OR8K3: variants seen among roughly 807,000 people sequenced by gnomAD.
The protein encoded by OR8K3 is olfactory receptor 8K3.
For missense variants in OR8K3, 448 were observed against 367.4 expected (o/e 1.22, Z -1.79); for synonymous variants, 167 against 138.8 (o/e 1.20, Z -1.43).
At chr11:56,318,126 T>G (rs1048020261) in intron 2 of OR8K3, among the ~76,000 whole-genome samples, 158 bp from the exon 3 acceptor site, 16 of 152,188 alleles carry the variant, frequency 1.1e-4, no homozygotes, top group African/African-American at 3.9e-4. Context: ...CCTTATCTCT[T>G]TCTTAAATTA....
rs1277282412 is a variant in OR8K3 at position 56,319,197 on chromosome 11, A to G, written c.891A>G (p.Lys297=). The change falls in exon 3 of 3, where the codon AAA becomes AAG. Residue 297 remains lysine, a synonymous_variant. Coordinates refer to ENST00000641662, the MANE Select transcript of OR8K3 (RefSeq NM_001005202.2). The part of the protein sequence containing the change: ...LIYSLRNKDV[K]YALRRTWNNL... ...ATAGTTTACGAAACAAAGATGTAAA[A>G]TATGCCCTACGAAGGACATGGAATA... The G allele has an allele frequency of 6.2e-7, 1 of 1,612,248 alleles. No individual in the cohort carries two copies. Among genetic ancestry groups the G allele is most frequent in the Admixed American group, 1.7e-5 (1 of 60,000 alleles).
chr11:56,317,401 A>C (rs190665423), intron 2 of OR8K3, among the ~76,000 whole-genome samples: 32 of 152,248 alleles, frequency 2.1e-4, no homozygotes, highest in Middle Eastern at 3.4e-3. Flanking sequence ...CAAATATGAC[A>C]TAAATTAAGA....
In OR8K3 at chr11:56,316,023, C is replaced by A. The variant is rs1048017911; in HGVS notation, c.-58C>A. ...AGAACTCCAAAGATGGTGAAAGGAA[C>A]CTCATTTATATTTCCTTACCTAACA... On this transcript the variant is annotated 5_prime_UTR_variant, in exon 2 of 3. Transcript: ENST00000641662. The A allele has an allele frequency of 6.6e-6, 1 of 151,894 alleles. No homozygotes were observed. The highest frequency in any genetic ancestry group is 1.5e-5 in the Non-Finnish European group (1 of 67,890). 9.4% of individuals were successfully genotyped at this position (151,894 alleles called of 1,614,324 possible).
rs753951709 is a variant in OR8K3 at position 56,319,212 on chromosome 11, G to A, written c.906G>A (p.Arg302=). 2.1e-5 allele frequency: 33 copies of A among 1,607,722 alleles called. No homozygotes were observed. The highest frequency in any genetic ancestry group is 1.7e-4 in the Middle Eastern group (1 of 6,052). ...RNKDVKYALR[R]TWNNLCNIFV is the part of the protein sequence containing the mutation. Reference sequence around the variant, plus strand: ...AAGATGTAAAATATGCCCTACGAAGGACATGGAATAACTTATGTAATATTT... The same window carrying A: ...AAGATGTAAAATATGCCCTACGAAGAACATGGAATAACTTATGTAATATTT... Residue 302 remains arginine, a synonymous_variant, in exon 3 of 3, where the codon AGG becomes AGA. Coordinates refer to ENST00000641662, the MANE Select transcript of OR8K3 (RefSeq NM_001005202.2).
chr11:56,319,750 T>TA lies in OR8K3; in HGVS notation c.*506dup, dbSNP rs1292902631. 1 of 154,396 alleles carries TA rather than the reference T, an allele frequency of 6.5e-6. No homozygotes were observed. Among genetic ancestry groups the TA allele is most frequent in the Non-Finnish European group, 1.4e-5 (1 of 69,442 alleles). 9.6% of individuals were successfully genotyped at this position (154,396 alleles called of 1,614,324 possible). ...CATTTAATACTGGTTGTTTAGATGA[T>TA]ATGTGATGATTTTAAGTCTTACAGA... On this transcript the variant is annotated 3_prime_UTR_variant, in exon 3 of 3. Transcript: ENST00000641662.
chr11:56,318,070 GT>G (rs1207596220), intron 2 of OR8K3, among the ~76,000 whole-genome samples: 3 of 152,240 alleles, frequency 2.0e-5, no homozygotes, highest in African/African-American at 7.2e-5. Context: ...ATTAGAAAAT[GT>G]TTTTGGGTGA....
intron 2 of OR8K3, among the ~76,000 whole-genome samples, chr11:56,317,374 T>G (rs908497526): frequency 3.3e-5 from 5 of 152,150 alleles, no homozygotes; most frequent in Non-Finnish European, 7.4e-5. Flanking sequence ...TTACACTATT[T>G]GCCTAAAATA....
At position 56,318,800 on chromosome 11, in the gene OR8K3, C is replaced by G. The variant is rs376043254; in HGVS notation, c.494C>G (p.Thr165Ser). 69 of 1,613,908 alleles carry G rather than the reference C, an allele frequency of 4.3e-5. No homozygotes were observed. The highest frequency in any genetic ancestry group is 5.6e-5 in the Non-Finnish European group (66 of 1,179,928). Residue 165 changes from threonine to serine, a missense_variant, in exon 3 of 3, where the codon ACT becomes AGT. Coordinates refer to ENST00000641662, the MANE Select transcript of OR8K3 (RefSeq NM_001005202.2). ...CTTCTAGTCACCATAAAGATTTTTACTTTATCCTTCTGTGGCTACAACGTC... is the reference window on the plus strand; with the variant it reads ...CTTCTAGTCACCATAAAGATTTTTAGTTTATCCTTCTGTGGCTACAACGTC... ...ISLLVTIKIF[T>S]LSFCGYNVIS...
In OR8K3 at chr11:56,318,921, T is replaced by G. The variant is rs1333199140; in HGVS notation, c.615T>G (p.Ile205Met). Residue 205 changes from isoleucine (I) to methionine (M), a missense_variant, in exon 3 of 3, where the codon ATT (isoleucine) becomes ATG (methionine). By Grantham distance (10) the Ile-to-Met change is conservative (BLOSUM62 1). Coordinates refer to ENST00000641662, the MANE Select transcript of OR8K3 (RefSeq NM_001005202.2). ...TGATAATTCTGATCTTTGCAGCTAT[T>G]GATTTGATTTCATCTCTTCTGATAG... ...IELIILIFAA[I>M]DLISSLLIVL... 1 of 1,613,982 alleles carries G rather than the reference T, an allele frequency of 6.2e-7. No individual in the cohort carries two copies. The highest frequency in any genetic ancestry group is 8.5e-7 in the Non-Finnish European group (1 of 1,179,958).
At chr11:56,317,558 G>A (rs528770967) in intron 2 of OR8K3, among the ~76,000 whole-genome samples, 3 of 152,066 alleles carry the variant, frequency 2.0e-5, no homozygotes, top group East Asian at 1.9e-4. Flanking sequence ...TGTACCACCC[G>A]AAGAGATAAG....
chr11:56,318,199 TA>T (rs1854469602), intron 2 of OR8K3, 84 bp from the exon 3 acceptor site: 1 of 644,276 alleles, frequency 1.6e-6, no homozygotes, highest in Non-Finnish European at 2.7e-6. Flanking sequence ...GAAATTTAGG[TA>T]TATCTTCTGT....
rs1854494364 is a variant in OR8K3 at position 56,319,305 on chromosome 11, C to T, written c.*60C>T. On this transcript the variant is annotated 3_prime_UTR_variant, in exon 3 of 3. Coordinates refer to ENST00000641662, the MANE Select transcript of OR8K3 (RefSeq NM_001005202.2). ...TGGGCATGAATTTTTGCTCTGCATA[C>T]TTCCAGAAGACATAACAAGCATAAC... 3.5e-6 allele frequency: 3 copies of T among 845,942 alleles called. No homozygotes were observed. Among genetic ancestry groups the T allele is most frequent in the East Asian group, 2.6e-5 (1 of 37,970 alleles). The allele number at this position is 845,942 out of a possible 1,614,324, so 52.4% of individuals were successfully genotyped here. A position where few individuals can be genotyped will look rare whatever the true frequency, so the allele number is the denominator to read the frequency against.
rs1455937287 is a variant in OR8K3 at position 56,320,195 on chromosome 11, T to TATGCACTATATCGA, written c.*962_*975dup. The TATGCACTATATCGA allele has an allele frequency of 6.6e-6, 1 of 152,232 alleles. No homozygotes were observed. The highest frequency in any genetic ancestry group is 6.5e-5 in the Admixed American group (1 of 15,282). The allele number at this position is 152,232 out of a possible 1,614,324, so 9.4% of individuals were successfully genotyped here. The stretch of plus-strand genomic sequence containing the variant: ...GTTGACAATCCATAATTTTTATCAA[T>TATGCACTATATCGA]ATGCACTATATCGAATGCACTATAT... On this transcript the variant is annotated 3_prime_UTR_variant, in exon 3 of 3. Coordinates refer to ENST00000641662, the MANE Select transcript of OR8K3 (RefSeq NM_001005202.2).
Position 56,319,955 on chromosome 11 carries a change from A to G in OR8K3, c.*710A>G, listed in dbSNP as rs1854503497. On this transcript the variant is annotated 3_prime_UTR_variant, in exon 3 of 3. Coordinates refer to ENST00000641662, the MANE Select transcript of OR8K3 (RefSeq NM_001005202.2). ...TCTGTTTACATGAGTAGATATATCAATTATGCTTAAGTTTAGAAGACATCC... is the reference window on the plus strand; with the variant it reads ...TCTGTTTACATGAGTAGATATATCAGTTATGCTTAAGTTTAGAAGACATCC... 6.6e-6 allele frequency: 1 copy of G among 152,182 alleles called. No homozygotes were observed. Among genetic ancestry groups the G allele is most frequent in the African/African-American group, 2.4e-5 (1 of 41,432 alleles). The allele number at this position is 152,182 out of a possible 1,614,324, so 9.4% of individuals were successfully genotyped here.
Position 56,319,027 on chromosome 11 carries a change from G to C in OR8K3, c.721G>C (p.Gly241Arg), listed in dbSNP as rs1408763665. The C allele has an allele frequency of 6.2e-7, 1 of 1,614,068 alleles. No homozygotes were observed. The highest frequency in any genetic ancestry group is 8.5e-7 in the Non-Finnish European group (1 of 1,179,988). ...CAGACAAAAGGCTTTTTCTACCTGT[G>C]GAGCCCACCTGACAGTGGTCATAGT... ...AGRQKAFSTC[G>R]AHLTVVIVFY... Residue 241 changes from glycine to arginine, a missense_variant, in exon 3 of 3, where the codon GGA (glycine) becomes CGA (arginine). By Grantham distance (125) the Gly-to-Arg change is moderately radical. Transcript: ENST00000641662.
intron 2 of OR8K3, among the ~76,000 whole-genome samples, chr11:56,317,124 A>G (rs1477724580): frequency 2.0e-5 from 3 of 152,032 alleles, no homozygotes; most frequent in Non-Finnish European, 2.9e-5. Flanking sequence ...CCTAACAAAG[A>G]AGTTAATTCA....
chr11:56,319,185 CA>C lies in OR8K3; in HGVS notation c.882del (p.Asp295MetfsTer2), dbSNP rs777719678. 26 of 1,612,762 alleles carry C rather than the reference CA, an allele frequency of 1.6e-5. No individual in the cohort carries two copies. Among genetic ancestry groups the C allele is most frequent in the Non-Finnish European group, 2.0e-5 (24 of 1,178,972 alleles). ...ATCCCTTGATCTATAGTTTACGAAACAAAGATGTAAAATATGCCCTACGAAG... is the reference window on the plus strand; with the variant it reads ...ATCCCTTGATCTATAGTTTACGAAACAAGATGTAAAATATGCCCTACGAAG... ...LNPLIYSLRN[K>X]DVKYALRRTW... On this transcript the variant is annotated frameshift_variant, in exon 3 of 3. Transcript: ENST00000641662. LOFTEE classifies it low-confidence loss of function (END_TRUNC).
chr11:56,318,648 T>G lies in OR8K3; in HGVS notation c.342T>G (p.Ile114Met). The part of the protein sequence containing the change: ...FLVFIGSELF[I>M]LSAMSYDLYV... ...TGTTCATTGGTAGTGAACTTTTTAT[T>G]CTCTCAGCCATGTCCTACGACCTCT... Residue 114 changes from isoleucine to methionine, a missense_variant, in exon 3 of 3, where the codon ATT (isoleucine) becomes ATG (methionine). Ile to Met is a conservative substitution (Grantham distance 10). Transcript: ENST00000641662. 6.2e-7 allele frequency: 1 copy of G among 1,613,766 alleles called. No homozygotes were observed. Among genetic ancestry groups the G allele is most frequent in the Non-Finnish European group, 8.5e-7 (1 of 1,179,686 alleles).
In OR8K3 at chr11:56,318,769, A is replaced by C. The variant is rs374761061; in HGVS notation, c.463A>C (p.Ile155Leu). The C allele has an allele frequency of 1.2e-6, 2 of 1,613,706 alleles. No individual in the cohort carries two copies. Among genetic ancestry groups the C allele is most frequent in the African/African-American group, 1.3e-5 (1 of 74,856 alleles). The change falls in exon 3 of 3, where the codon ATT becomes CTT. Residue 155 changes from isoleucine (I) to leucine (L), a missense_variant. By Grantham distance (5) the Ile-to-Leu change is conservative. Coordinates refer to ENST00000641662, the MANE Select transcript of OR8K3 (RefSeq NM_001005202.2). ...AATCCCTTACCTCTATTGCACATTC[A>C]TTTCTCTTCTAGTCACCATAAAGAT... ...VAIPYLYCTF[I>L]SLLVTIKIFT...
Sources: gnomAD v4.1 joint callset for allele counts (sites outside exome capture counted in the v4.1 genomes callset) on GRCh38, gnomAD v4.1.1 for gene constraint, MANE v1.5 for transcripts, NCBI Gene and HGNC (gene_info 2026-07-23, HGNC 2026-07-21) for gene names.